Variants in LOXL2 observed in about 807,000 individuals in gnomAD.
LOXL2 encodes lysyl oxidase like 2, also known as lysyl oxidase homolog 2.
A neutral mutation model predicts 93.0 loss-of-function variants in LOXL2; 70 were observed. The observed-to-expected ratio is 0.75, with a 90% CI of 0.62 to 0.92. LOXL2 has a LOEUF of 0.92. Among genes scored for constraint, LOXL2 ranks in the 40% least tolerant of loss-of-function variants. The pLI is 0.00. For synonymous variants in LOXL2, 438 were observed against 413.2 expected, an observed-to-expected ratio of 1.06 and a Z score of -0.73; for missense variants, 973 against 1,054.9, an observed-to-expected ratio of 0.92 and a Z score of 1.08.
rs80318205 is a variant in LOXL2, at chr8:23,308,421, A to C, written c.1880+1247T>G. The stretch of plus-strand genomic sequence containing the variant: ...GAAGCAGGGATGTGGTGCAAAGGCC[A>C]GGTTGTATAGATGGCCCATCCAAGT... On this transcript the variant is annotated intron_variant, in intron 10 of 13. Coordinates refer to ENST00000389131, the MANE Select transcript of LOXL2 (RefSeq NM_002318.3). Among the ~76,000 whole-genome samples the C allele has an allele frequency of 9.2e-3, 1,394 of 152,312 alleles. 84 individuals are homozygous for C. In the East Asian group the frequency reaches 0.16, roughly 17 times the overall value.
chr8:23,309,518 G>A lies in LOXL2; in HGVS notation c.1880+150C>T, dbSNP rs191709900. Reference sequence around the variant, plus strand: ...TTCGGGAAATCTGACAGCCAGTGTGGCAGATGCAAGCCCCCCACTTAGGAG... The same window carrying A: ...TTCGGGAAATCTGACAGCCAGTGTGACAGATGCAAGCCCCCCACTTAGGAG... On this transcript the variant is annotated intron_variant, in intron 10 of 13. Transcript: ENST00000389131. 14 of 930,288 alleles carry A rather than the reference G, an allele frequency of 1.5e-5. No homozygotes were observed. In the African/African-American group the frequency reaches 2.4e-4, roughly 16 times the overall value. The allele number at this position is 930,288 out of a possible 1,614,324, so 57.6% of individuals were successfully genotyped here.
At chr8:23,321,937 G>T (rs979099840) in intron 7 of LOXL2, 193 bp downstream of exon 7, 12 of 606,396 alleles carry the variant, frequency 2.0e-5, no homozygotes, top group Non-Finnish European at 3.5e-5. Context: ...GCACACAGGG[G>T]CTTGGGCCTG....
chr8:23,315,542 A>G lies in LOXL2; in HGVS notation c.1636+1407T>C, dbSNP rs140959540. ...GATCTGACGGCATGGCTCATCTCAT[A>G]AATCTCAGTCCTCAGAGAGAAATTC... is the stretch of plus-strand genomic sequence containing the variant. On this transcript the variant is annotated intron_variant, in intron 9 of 13. Coordinates refer to ENST00000389131, the MANE Select transcript of LOXL2 (RefSeq NM_002318.3). 1.5e-3 allele frequency among the ~76,000 whole-genome samples: 235 copies of G among 152,258 alleles called. 1 individual carries two copies. Among genetic ancestry groups the G allele is most frequent in the African/African-American group, 5.2e-3 (216 of 41,550 alleles).
chr8:23,303,932 C>G lies in LOXL2; in HGVS notation c.1881-535G>C, dbSNP rs114284784. 9.8e-3 allele frequency among the ~76,000 whole-genome samples: 1,493 copies of G among 152,348 alleles called. 20 individuals carry two copies. Among genetic ancestry groups the G allele is most frequent in the African/African-American group, 0.034 (1,425 of 41,574 alleles). ...TAAGGAATAGAACATGTGCCCTGCA[C>G]AGGACACACACAGGTACCCCAAGGT... is the stretch of plus-strand genomic sequence containing the variant. On this transcript the variant is annotated intron_variant, in intron 10 of 13. Coordinates refer to ENST00000389131, the MANE Select transcript of LOXL2 (RefSeq NM_002318.3).
intron 1 of LOXL2, among the ~76,000 whole-genome samples, chr8:23,403,045 C>T (rs1490539381): frequency 6.6e-6 from 1 of 152,142 alleles, no homozygotes; most frequent in Non-Finnish European, 1.5e-5. Context: ...CGCTTGTTCT[C>T]CCAATCATCT....
In LOXL2 at chr8:23,379,572, G is replaced by A. The variant is rs190847797; in HGVS notation, c.-83-11138C>T. The stretch of plus-strand genomic sequence containing the variant: ...AGGCAGGCAGGCTTCCTTGAGCTGC[G>A]GTGGGCTGCACCCAGTTCGAGCTTC... On this transcript the variant is annotated intron_variant, in intron 1 of 13. Coordinates refer to ENST00000389131, the MANE Select transcript of LOXL2 (RefSeq NM_002318.3). Among the ~76,000 whole-genome samples, 86 of 152,290 alleles carry A rather than the reference G, an allele frequency of 5.6e-4. 1 individual carries two copies. Among genetic ancestry groups the A allele is most frequent in the African/African-American group, 1.7e-3 (69 of 41,560 alleles).
Position 23,340,346 on chromosome 8 carries a change from C to T in LOXL2, c.743+646G>A, listed in dbSNP as rs188346479. 3.8e-3 allele frequency among the ~76,000 whole-genome samples: 577 copies of T among 152,236 alleles called. 3 individuals carry two copies. Among genetic ancestry groups the T allele is most frequent in the Non-Finnish European group, 5.8e-3 (397 of 68,028 alleles). On this transcript the variant is annotated intron_variant, in intron 4 of 13. Transcript: ENST00000389131. Reference sequence around the variant, plus strand: ...ACCAACCAAGTATACCCCAAGTATACGCCAGCCATCAGCTTGTTGGGGTGC... The same window carrying T: ...ACCAACCAAGTATACCCCAAGTATATGCCAGCCATCAGCTTGTTGGGGTGC...
chr8:23,334,569 G>C (rs966634700), intron 4 of LOXL2, among the ~76,000 whole-genome samples: 7 of 152,236 alleles, frequency 4.6e-5, no homozygotes, highest in South Asian at 4.1e-4. Flanking sequence ...GGTTGAGCTT[G>C]TCTCTGTACC....
chr8:23,321,466 C>T (rs13272473), intron 7 of LOXL2, among the ~76,000 whole-genome samples: 88,649 of 152,040 alleles, frequency 0.58, 28,331 homozygotes, highest in Non-Finnish European at 0.73. Flanking sequence ...CAGAGCCCCA[C>T]GTAGAGCGTC....
At chr8:23,320,500 C>A (rs1473055975) in intron 7 of LOXL2, among the ~76,000 whole-genome samples, 2 of 152,246 alleles carry the variant, frequency 1.3e-5, no homozygotes, top group African/African-American at 2.4e-5. Flanking sequence ...GCCCACCTAA[C>A]CAGCTGCCTG....
chr8:23,394,939 C>T (rs976600862), intron 1 of LOXL2, among the ~76,000 whole-genome samples: 1 of 152,052 alleles, frequency 6.6e-6, no homozygotes, highest in South Asian at 2.1e-4. Context: ...TAAAAAGTAA[C>T]GAGATACTGA....
At position 23,368,145 on chromosome 8, in the gene LOXL2, C is replaced by G; in HGVS notation, c.207G>C (p.Glu69Asp). ...CATCATAGTACACCTCCACCCGGCC[C>G]TCGCTGTGCTTCCTCTTCTGCCCAG... ...RLAGQKRKHS[E>D]GRVEVYYDGQ... Residue 69 changes from glutamate to aspartate, a missense_variant, in exon 2 of 14, where the codon GAG becomes GAC. Coordinates refer to ENST00000389131, the MANE Select transcript of LOXL2 (RefSeq NM_002318.3). 6.2e-7 allele frequency: 1 copy of G among 1,614,122 alleles called. No individual in the cohort carries two copies. The highest frequency in any genetic ancestry group is 2.2e-5 in the East Asian group (1 of 44,880).
At position 23,312,417 on chromosome 8, in the gene LOXL2, C is replaced by T. The variant is rs1266931970; in HGVS notation, c.1637-2506G>A. 8.8e-5 allele frequency among the ~76,000 whole-genome samples: 12 copies of T among 136,984 alleles called. No homozygotes were observed. In the Middle Eastern group the frequency reaches 0.011, roughly 121 times the overall value. The allele number at this position is 136,984 out of a possible 152,430, so 89.9% of individuals were successfully genotyped here. ...AATCCTCAATAAAATACTGGCAAAC[C>T]GAATCCAGCAGCACATCAAAAAGCT... On this transcript the variant is annotated intron_variant, in intron 9 of 13. Transcript: ENST00000389131.
intron 3 of LOXL2, among the ~76,000 whole-genome samples, chr8:23,345,858 G>A (rs1425162214): frequency 6.6e-6 from 1 of 152,110 alleles, no homozygotes; most frequent in African/African-American, 2.4e-5. Flanking sequence ...CACGAGGTCA[G>A]GAGATTGGGA....
chr8:23,358,888 C>A (rs1237739228), intron 3 of LOXL2, among the ~76,000 whole-genome samples: 1 of 148,246 alleles, frequency 6.7e-6, no homozygotes, highest in Non-Finnish European at 1.5e-5. Flanking sequence ...GTCACCCAGG[C>A]TGGAGTGCAG....
intron 3 of LOXL2, among the ~76,000 whole-genome samples, chr8:23,345,464 G>C (rs1199184801): frequency 9.2e-5 from 14 of 152,218 alleles, no homozygotes; most frequent in Admixed American, 8.5e-4. Flanking sequence ...TGAGGGGAGA[G>C]CTGGGCTCCC....
chr8:23,336,621 A>G (rs1393496985), intron 4 of LOXL2: 1 of 152,256 alleles, frequency 6.6e-6, no homozygotes, highest in Non-Finnish European at 1.5e-5. Context: ...TCCCCTTGCC[A>G]AGAGTGAAGG....
At chr8:23,353,184 G>A (rs1222660354) in intron 3 of LOXL2, among the ~76,000 whole-genome samples, 1 of 152,144 alleles carries the variant, frequency 6.6e-6, no homozygotes, top group Non-Finnish European at 1.5e-5. Flanking sequence ...TAGGGCATCT[G>A]GATTTGTCAT....
chr8:23,319,649 C>T (rs1383541543), intron 8 of LOXL2, among the ~76,000 whole-genome samples: 2 of 152,134 alleles, frequency 1.3e-5, no homozygotes, highest in African/African-American at 4.8e-5. Context: ...GAGCCCAGCC[C>T]CTCGTTCTGC....
Sources: allele counts gnomAD v4.1 joint callset (sites outside exome capture counted in the v4.1 genomes callset), GRCh38; gene constraint gnomAD v4.1.1; transcripts MANE v1.5; gene names NCBI Gene and HGNC (gene_info 2026-07-23, HGNC 2026-07-21).